Variants in DNER observed in about 807,000 individuals in gnomAD.
DNER encodes delta/notch like EGF repeat containing.
DNER carries 33 observed loss-of-function variants against 78.2 expected under a neutral mutation model. The observed-to-expected ratio is 0.42, with a 90% CI of 0.32 to 0.56. The LOEUF is 0.56. Among genes scored for constraint, DNER ranks in the 20% least tolerant of loss-of-function variants. The pLI is 0.11. For synonymous variants in DNER, 417 were observed against 384.8 expected, an observed-to-expected ratio of 1.08 and a Z score of -0.98; for missense variants, 918 against 975.3, an observed-to-expected ratio of 0.94 and a Z score of 0.78.
chr2:229,497,445 A>T (rs1234362956), intron 6 of DNER, among the ~76,000 whole-genome samples: 1 of 152,100 alleles, frequency 6.6e-6, no homozygotes, highest in Admixed American at 6.5e-5. Context: ...TGAAGATCAG[A>T]TCAAAAATAA....
In DNER at chr2:229,682,434, A is replaced by C. The variant is rs534351550; in HGVS notation, c.276+31714T>G. 4.0e-4 allele frequency among the ~76,000 whole-genome samples: 61 copies of C among 152,344 alleles called. 1 individual carries two copies. The highest frequency in any genetic ancestry group is 1.5e-3 in the Admixed American group (23 of 15,302). ...TAAATATTTCACTGAGGTTTTCAAA[A>C]TACTCACAAAGAGCCCACTGATCCT... On this transcript the variant is annotated intron_variant, in intron 1 of 12. Coordinates refer to ENST00000341772, the MANE Select transcript of DNER (RefSeq NM_139072.4).
At chr2:229,543,029 G>T (rs1696546919) in intron 5 of DNER, among the ~76,000 whole-genome samples, 7 of 151,806 alleles carry the variant, frequency 4.6e-5, no homozygotes, top group Admixed American at 4.6e-4. Flanking sequence ...GACAGCCGAG[G>T]CTCTACTAGA....
At chr2:229,586,529 A>C (rs1370030730) in intron 3 of DNER, among the ~76,000 whole-genome samples, 1 of 124,748 alleles carries the variant, frequency 8.0e-6, no homozygotes, top group African/African-American at 3.9e-5. Context: ...AAAAAAAAAA[A>C]AAAAAAAAAA....
At chr2:229,417,270 C>A (rs1693673072) in intron 9 of DNER, among the ~76,000 whole-genome samples, 2 of 152,198 alleles carry the variant, frequency 1.3e-5, no homozygotes, top group South Asian at 4.1e-4. Flanking sequence ...AATGCAAGGT[C>A]TCCAGCCAGG....
rs1559212483 is a variant in DNER, at chr2:229,695,930, CTTTG to C, written c.276+18214_276+18217del. Among the ~76,000 whole-genome samples the C allele has an allele frequency of 3.3e-5, 5 of 152,256 alleles. No homozygotes were observed. The South Asian group carries it at 6.2e-4, about 19-fold the overall frequency. ...ACTGCTCCCTGATGGAGATTTGTTT[CTTTG>C]TTTGTTTGTTTGCTGGGGGTGGGAG... is the stretch of plus-strand genomic sequence containing the variant. On this transcript the variant is annotated intron_variant, in intron 1 of 12. Coordinates refer to ENST00000341772, the MANE Select transcript of DNER (RefSeq NM_139072.4).
chr2:229,693,864 T>G (rs1385506905), intron 1 of DNER, among the ~76,000 whole-genome samples: 1 of 152,204 alleles, frequency 6.6e-6, no homozygotes, highest in East Asian at 1.9e-4. Flanking sequence ...CTGCAGAAAT[T>G]TGCATAAGTA....
intron 1 of DNER, among the ~76,000 whole-genome samples, chr2:229,606,637 A>G (rs1697943732): frequency 6.6e-6 from 1 of 152,190 alleles, no homozygotes. Context: ...TCACATCTGT[A>G]ATCCCAGCAC....
chr2:229,671,692 A>T (rs1699211801), intron 1 of DNER, among the ~76,000 whole-genome samples: 1 of 152,024 alleles, frequency 6.6e-6, no homozygotes, highest in Non-Finnish European at 1.5e-5. Context: ...CTGCTCAGAG[A>T]CTCTGCTTTT....
chr2:229,563,465 C>T lies in DNER; in HGVS notation c.848-16373G>A, dbSNP rs538967786. ...CACCATCATCATCTTCATCATCACC[C>T]CATCGCCATTATCATCATCATCCTC... is the stretch of plus-strand genomic sequence containing the variant. On this transcript the variant is annotated intron_variant, in intron 4 of 12. Transcript: ENST00000341772. 7.5e-5 allele frequency among the ~76,000 whole-genome samples: 11 copies of T among 146,632 alleles called. 1 individual carries two copies. In the East Asian group the frequency reaches 1.7e-3, roughly 23 times the overall value.
intron 10 of DNER, among the ~76,000 whole-genome samples, chr2:229,399,569 A>G (rs902798032): frequency 6.6e-6 from 1 of 152,098 alleles, no homozygotes; most frequent in African/African-American, 2.4e-5. Flanking sequence ...AAGGATCTAG[A>G]ATAGTTATAA....
chr2:229,453,195 A>G (rs181096502), intron 7 of DNER, among the ~76,000 whole-genome samples: 18 of 152,370 alleles, frequency 1.2e-4, no homozygotes, highest in Non-Finnish European at 1.3e-4. Context: ...GCAAAAATCT[A>G]TGCAAAGCAC....
rs189899889 is a variant in DNER at position 229,426,394 on chromosome 2, T to C, written c.1487-8164A>G. Among the ~76,000 whole-genome samples, 489 of 137,172 alleles carry C rather than the reference T, an allele frequency of 3.6e-3. 1 individual carries two copies. Among genetic ancestry groups the C allele is most frequent in the African/African-American group, 0.013 (459 of 35,608 alleles). 90.0% of individuals were successfully genotyped at this position (137,172 alleles called of 152,430 possible). On this transcript the variant is annotated intron_variant, in intron 8 of 12. Transcript: ENST00000341772. ...AGGCAGAGCTTGCAATGAGCCAAGA[T>C]TGCGCCACTGCACTCCAGCCTGGGT...
chr2:229,380,655 G>A (rs369129620), intron 11 of DNER, among the ~76,000 whole-genome samples: 34 of 129,998 alleles, frequency 2.6e-4, no homozygotes, highest in African/African-American at 7.7e-4. Flanking sequence ...AGTCAGGCAC[G>A]GTGACTCACA....
intron 6 of DNER, among the ~76,000 whole-genome samples, chr2:229,504,860 T>A (rs1695702324): frequency 6.6e-6 from 1 of 152,218 alleles, no homozygotes; most frequent in African/African-American, 2.4e-5. Flanking sequence ...ACAAGACGTG[T>A]TCCCCATGTT....
At chr2:229,478,656 A>G (rs573889112) in intron 6 of DNER, among the ~76,000 whole-genome samples, 3 of 152,306 alleles carry the variant, frequency 2.0e-5, no homozygotes, top group Non-Finnish European at 2.9e-5. Context: ...CTTTTTGGCT[A>G]AAAATAATAG....
chr2:229,630,479 A>AAATAATAATAATAATAAT (rs200043673), intron 1 of DNER, among the ~76,000 whole-genome samples: 1 of 139,068 alleles, frequency 7.2e-6, no homozygotes, highest in Non-Finnish European at 1.5e-5. Flanking sequence ...CTCCATCTCA[A>AAATAATAATAATAATAAT]AATAATAATA....
At chr2:229,688,155 A>C (rs1699516696) in intron 1 of DNER, among the ~76,000 whole-genome samples, 1 of 152,232 alleles carries the variant, frequency 6.6e-6, no homozygotes, top group Admixed American at 6.5e-5. Context: ...GATACACCAA[A>C]CGGACCTTCC....
intron 1 of DNER, among the ~76,000 whole-genome samples, chr2:229,676,383 G>A (rs1041297852): frequency 6.6e-6 from 1 of 152,194 alleles, no homozygotes; most frequent in African/African-American, 2.4e-5. Flanking sequence ...CCAAAAGTCA[G>A]TTGTGAAGAT....
chr2:229,466,723 CAT>C (rs1694814692), intron 7 of DNER, among the ~76,000 whole-genome samples: 1 of 152,094 alleles, frequency 6.6e-6, no homozygotes, highest in Non-Finnish European at 1.5e-5. Context: ...TAAATAATGC[CAT>C]ATTCATATGA....
Sources: gnomAD v4.1 joint callset for allele counts (sites outside exome capture counted in the v4.1 genomes callset) on GRCh38, gnomAD v4.1.1 for gene constraint, MANE v1.5 for transcripts, NCBI Gene and HGNC (gene_info 2026-07-23, HGNC 2026-07-21) for gene names.